The following EPB41L3 variants were observed in gnomAD, a reference collection of about 807,000 sequenced individuals.
The protein encoded by EPB41L3 is band 4.1-like protein 3.
A neutral mutation model predicts 127.1 loss-of-function variants in EPB41L3; 57 were observed. The observed-to-expected ratio is 0.45, with a 90% CI of 0.36 to 0.56. The LOEUF (loss-of-function observed/expected upper bound fraction) is 0.56, where lower values mean the gene tolerates loss of function less well. EPB41L3 is among the 20% of genes least tolerant of loss of function. EPB41L3 has a pLI of 0.00. For synonymous variants in EPB41L3, 572 were observed against 549.5 expected (o/e 1.04, Z -0.57); for missense variants, 1,273 against 1,372.2 (o/e 0.93, Z 1.14).
Position 5,397,818 on chromosome 18 carries a change from G to A in EPB41L3, c.2472+203C>T, listed in dbSNP as rs367604448. ...AAATTTCTCAATATGATCGCCTTTC[G>A]AATAGTGAAGTACATTCTTGAGATG... On this transcript the variant is annotated intron_variant, in intron 17 of 22. Coordinates refer to ENST00000341928, the MANE Select transcript of EPB41L3 (RefSeq NM_012307.5). This position sits in a 1 kb window ranked among gnomAD's most constrained non-coding sequence, Gnocchi z 4.1. Among the ~76,000 whole-genome samples the A allele has an allele frequency of 3.9e-5, 6 of 152,232 alleles. No individual in the cohort carries two copies. The East Asian group carries it at 5.8e-4, about 15-fold the overall frequency.
intron 14 of EPB41L3, among the ~76,000 whole-genome samples, chr18:5,410,100 A>G (rs2144281270): frequency 6.6e-6 from 1 of 152,254 alleles, no homozygotes; most frequent in East Asian, 1.9e-4. Context: ...TAATTATTTC[A>G]CCATTGGGGA....
In EPB41L3 at chr18:5,601,734, T is replaced by C. The variant is rs1454755800; in HGVS notation, c.-306+10606A>G. Among the ~76,000 whole-genome samples the C allele has an allele frequency of 2.0e-5, 3 of 152,196 alleles. No individual in the cohort carries two copies. In the East Asian group the frequency reaches 5.8e-4, roughly 29 times the overall value. ...CCAGTTCCATTCTTAAGTAGGTATTTACATCTGTTACACTAAAATGATTAT... is the reference window on the plus strand; with the variant it reads ...CCAGTTCCATTCTTAAGTAGGTATTCACATCTGTTACACTAAAATGATTAT... On this transcript the variant is annotated intron_variant, in intron 3 of 21. Coordinates refer to the EPB41L3 transcript ENST00000545076.
upstream of EPB41L3, among the ~76,000 whole-genome samples, chr18:5,549,035 A>C (rs1442503680): frequency 6.6e-6 from 1 of 152,248 alleles, no homozygotes; most frequent in Admixed American, 6.5e-5. Flanking sequence ...ATCAACAAAA[A>C]TTAACAGAGG....
In EPB41L3 at chr18:5,543,624, CT is replaced by C. The variant is rs1015053007; in HGVS notation, c.-12+288del. 6.8e-6 allele frequency among the ~76,000 whole-genome samples: 1 copy of C among 147,210 alleles called. No individual in the cohort carries two copies. Among genetic ancestry groups the C allele is most frequent in the African/African-American group, 2.4e-5 (1 of 40,986 alleles). On this transcript the variant is annotated intron_variant, in intron 1 of 22. Transcript: ENST00000341928. This position sits in a 1 kb window ranked among gnomAD's most constrained non-coding sequence, Gnocchi z 5.2. ...GAGGCCCCCAGGCCGGAGGCCGGGG[CT>C]CAGGCTCTGCGCGCCGGCCCAGCCA...
intron 5 of EPB41L3, among the ~76,000 whole-genome samples, chr18:5,438,587 C>A (rs549415897): frequency 2.6e-5 from 4 of 152,200 alleles, no homozygotes; most frequent in Non-Finnish European, 5.9e-5. Context: ...ATTCAACATA[C>A]GTTTATTTTA....
intron 2 of EPB41L3, among the ~76,000 whole-genome samples, chr18:5,614,014 G>C (rs1391724675): frequency 6.6e-6 from 1 of 152,160 alleles, no homozygotes; most frequent in Non-Finnish European, 1.5e-5. Context: ...GAGGTCCTGA[G>C]ACCAAAACAG....
At chr18:5,400,321 A>G (rs975939395) in intron 16 of EPB41L3, 1 of 326,210 alleles carries the variant, frequency 3.1e-6, no homozygotes, top group Non-Finnish European at 6.0e-6. Flanking sequence ...GAGATATCAA[A>G]CCAGGAGCAG....
At chr18:5,534,833 C>T (rs1441908390) in intron 1 of EPB41L3, among the ~76,000 whole-genome samples, 3 of 152,200 alleles carry the variant, frequency 2.0e-5, no homozygotes, top group Admixed American at 2.0e-4. Flanking sequence ...TAGGCAGCAT[C>T]GTCATCTGTT....
chr18:5,517,571 G>A (rs1180038346), intron 1 of EPB41L3, among the ~76,000 whole-genome samples: 1 of 151,980 alleles, frequency 6.6e-6, no homozygotes, highest in Non-Finnish European at 1.5e-5. Flanking sequence ...GAGTAGCTGG[G>A]ACTACAGGCA....
At chr18:5,491,575 C>T (rs2090599751) in intron 1 of EPB41L3, among the ~76,000 whole-genome samples, 2 of 152,242 alleles carry the variant, frequency 1.3e-5, no homozygotes, top group South Asian at 4.1e-4. Context: ...AAATAATGTA[C>T]CATTACCATC....
At chr18:5,456,594 CCTT>C (rs1171844982) in intron 3 of EPB41L3, among the ~76,000 whole-genome samples, 1 of 152,106 alleles carries the variant, frequency 6.6e-6, no homozygotes, top group African/African-American at 2.4e-5. Flanking sequence ...GAAGAAAAAA[CCTT>C]CTCAATCATT....
chr18:5,439,128 A>G (rs60767042), intron 5 of EPB41L3, among the ~76,000 whole-genome samples: 7,018 of 152,106 alleles, frequency 0.046, 555 homozygotes, highest in African/African-American at 0.16. Flanking sequence ...GAGGTACACT[A>G]GAGCCTAGGT....
intron 3 of EPB41L3, chr18:5,570,364 T>A (rs2094261652): frequency 6.6e-6 from 1 of 152,198 alleles, no homozygotes; most frequent in African/African-American, 2.4e-5. Flanking sequence ...TTTCCTGGAA[T>A]ATGGCATTTT....
chr18:5,579,354 T>G (rs184362928), intron 3 of EPB41L3, among the ~76,000 whole-genome samples: 3 of 152,336 alleles, frequency 2.0e-5, no homozygotes, highest in African/African-American at 4.8e-5. Context: ...TCCTAGCTGT[T>G]GTTTTGGCAG....
intron 18 of EPB41L3, 118 bp downstream of exon 18, chr18:5,396,940 A>G (rs1482532516): frequency 1.9e-6 from 2 of 1,074,366 alleles, no homozygotes; most frequent in East Asian, 4.8e-5. Flanking sequence ...GGAGAAATAC[A>G]CTATACATGG....
chr18:5,543,605 C>G lies in EPB41L3; in HGVS notation c.-12+308G>C, dbSNP rs1160721349. Among the ~76,000 whole-genome samples the G allele has an allele frequency of 1.4e-5, 2 of 147,332 alleles. No individual in the cohort carries two copies. Among genetic ancestry groups the G allele is most frequent in the Non-Finnish European group, 3.0e-5 (2 of 66,108 alleles). On this transcript the variant is annotated intron_variant, in intron 1 of 22. Coordinates refer to ENST00000341928, the MANE Select transcript of EPB41L3 (RefSeq NM_012307.5). The surrounding 1 kb of genome is among the most constrained non-coding windows in gnomAD (Gnocchi z 5.2). ...TTCGGCCAGGGATCCCAGGGAGGCC[C>G]CCAGGCCGGAGGCCGGGGCTCAGGC... is the stretch of plus-strand genomic sequence containing the variant.
intron 1 of EPB41L3, among the ~76,000 whole-genome samples, chr18:5,536,940 T>C (rs1044810043): frequency 6.6e-6 from 1 of 152,218 alleles, no homozygotes; most frequent in Non-Finnish European, 1.5e-5. Context: ...AGTCTGTATA[T>C]GTACAAAATG....
chr18:5,516,214 T>G (rs938160127), intron 1 of EPB41L3, among the ~76,000 whole-genome samples: 1 of 152,180 alleles, frequency 6.6e-6, no homozygotes, highest in African/African-American at 2.4e-5. Context: ...TCCTGGGTGG[T>G]TGACACCTGG....
intron 1 of EPB41L3, among the ~76,000 whole-genome samples, chr18:5,533,050 G>A (rs1446078354): frequency 1.3e-5 from 2 of 152,064 alleles, no homozygotes; most frequent in Non-Finnish European, 2.9e-5. Context: ...TTCACCCTTT[G>A]TCAAAGATCT....
Sources: gnomAD v4.1 joint callset for allele counts (sites outside exome capture counted in the v4.1 genomes callset) on GRCh38, gnomAD v4.1.1 for gene constraint, Gnocchi (gnomAD v3.1) non-coding constraint, MANE v1.5 for transcripts, NCBI Gene and HGNC (gene_info 2026-07-23, HGNC 2026-07-21) for gene names.